Variants in DBH observed in about 807,000 individuals in gnomAD.
DBH encodes dopamine beta-hydroxylase.
A neutral mutation model predicts 64.0 loss-of-function variants in DBH; 49 were observed. That is an observed-to-expected ratio of 0.77 (90% CI 0.61 to 0.97). The LOEUF is 0.97. Ranked by LOEUF, DBH falls within the 50% of genes least tolerant of loss-of-function variation. The pLI, the probability that DBH is intolerant of heterozygous loss-of-function variation, is 0.00. For synonymous variants in DBH, 343 were observed against 347.1 expected (o/e 0.99, Z 0.13); for missense variants, 828 against 826.6 (o/e 1.00, Z -0.02).
intron 1 of DBH, among the ~76,000 whole-genome samples, chr9:133,639,530 C>T (rs1390842081): frequency 6.6e-6 from 1 of 152,224 alleles, no homozygotes; most frequent in Non-Finnish European, 1.5e-5. Flanking sequence ...GTGTCCCGCC[C>T]GCCAGGCCCG....
chr9:133,642,536 C>G, intron 3 of DBH, 72 bp downstream of exon 3: 2 of 1,528,558 alleles, frequency 1.3e-6, no homozygotes, highest in South Asian at 1.2e-5. Context: ...GTCCCTGACC[C>G]TGGAGAGCTG....
At chr9:133,645,595 TATC>T (rs1161934353) in intron 5 of DBH, among the ~76,000 whole-genome samples, 2 of 152,204 alleles carry the variant, frequency 1.3e-5, no homozygotes, top group African/African-American at 2.4e-5. Flanking sequence ...TTTTTATTAT[TATC>T]CTCTGATGTA....
intron 8 of DBH, among the ~76,000 whole-genome samples, chr9:133,652,693 A>C (rs1832265428): frequency 6.6e-6 from 1 of 152,058 alleles, no homozygotes; most frequent in Non-Finnish European, 1.5e-5. Flanking sequence ...CTGCACCCCC[A>C]CTGGCCTGGG....
chr9:133,656,998 G>A, intron 10 of DBH, 72 bp from the exon 11 acceptor site: 13 of 1,520,452 alleles, frequency 8.6e-6, no homozygotes, highest in African/African-American at 6.8e-5. Context: ...TTGCAGGGAG[G>A]TGTTGCTGGT....
chr9:133,640,086 T>G, intron 2 of DBH, 94 bp downstream of exon 2: 4 of 1,517,684 alleles, frequency 2.6e-6, no homozygotes, highest in Non-Finnish European at 3.6e-6. Context: ...CTGTCCCTGA[T>G]AAGTCTGGGG....
At position 133,659,196 on chromosome 9, in the gene DBH, G is replaced by A. The variant is rs916842066; in HGVS notation, c.*749G>A. 2.6e-5 allele frequency: 4 copies of A among 152,358 alleles called. No homozygotes were observed. The highest frequency in any genetic ancestry group is 2.1e-4 in the South Asian group (1 of 4,826). The allele number at this position is 152,358 out of a possible 1,614,324, so 9.4% of individuals were successfully genotyped here. On this transcript the variant is annotated 3_prime_UTR_variant, in exon 12 of 12. Transcript: ENST00000393056. ...GGGTGGAGTCAGGGCTGTGCTTTCC[G>A]CGTGGTTCTGCCACTTAGGGAGTGT...
intron 11 of DBH, 154 bp downstream of exon 11, chr9:133,657,383 C>T (rs1832338164): frequency 1.5e-6 from 1 of 678,250 alleles, no homozygotes; most frequent in African/African-American, 1.9e-5. Flanking sequence ...TAGGCCTAGA[C>T]AGCCAGCCAG....
chr9:133,648,573 G>C (rs1452447226), intron 6 of DBH, among the ~76,000 whole-genome samples: 1 of 152,258 alleles, frequency 6.6e-6, no homozygotes, highest in Non-Finnish European at 1.5e-5. Flanking sequence ...GTATTCCACA[G>C]GATGGGGTTT....
intron 10 of DBH, 53 bp from the exon 11 acceptor site, chr9:133,657,017 G>T (rs1490902046): frequency 6.2e-7 from 1 of 1,601,710 alleles, no homozygotes; most frequent in African/African-American, 1.3e-5. Context: ...GTGCCCACTG[G>T]GCTCCCTGCC....
chr9:133,642,901 G>A (rs186038682), intron 3 of DBH, among the ~76,000 whole-genome samples: 43 of 152,298 alleles, frequency 2.8e-4, no homozygotes, highest in African/African-American at 9.9e-4. Flanking sequence ...GAGGGGCGAG[G>A]TGATCCCTCC....
At chr9:133,644,579 T>C (rs566545759) in intron 5 of DBH, among the ~76,000 whole-genome samples, 5 of 152,342 alleles carry the variant, frequency 3.3e-5, no homozygotes, top group Admixed American at 1.3e-4. Flanking sequence ...TCCTCGTCCC[T>C]ATAATACGGG....
Position 133,658,428 on chromosome 9 carries a change from T to C in DBH, c.1835T>C (p.Ile612Thr), listed in dbSNP as rs372197370. 4.2e-5 allele frequency: 67 copies of C among 1,612,376 alleles called. No individual in the cohort carries two copies. The highest frequency in any genetic ancestry group is 2.1e-4 in the African/African-American group (16 of 74,972). ...CCTGCTGGCCCCACCGTTGTCAGCA[T>C]TGGTGGGGGCAAAGGCTGAGGGGGG... is the stretch of plus-strand genomic sequence containing the variant. Reference protein sequence around the residue: ...RSPAGPTVVSIGGGKG With the variant: ...RSPAGPTVVSTGGGKG Residue 612 changes from isoleucine (I) to threonine (T), a missense_variant, in exon 12 of 12, where the codon ATT becomes ACT. By Grantham distance (89) the Ile-to-Thr change is moderately conservative (BLOSUM62 -1). Transcript: ENST00000393056.
In DBH at chr9:133,659,229, G is replaced by C. The variant is rs2131298705; in HGVS notation, c.*782G>C. 6.6e-6 allele frequency: 1 copy of C among 152,412 alleles called. No homozygotes were observed. Among genetic ancestry groups the C allele is most frequent in the South Asian group, 2.1e-4 (1 of 4,824 alleles). 9.4% of individuals were successfully genotyped at this position (152,412 alleles called of 1,614,324 possible). Reference sequence around the variant, plus strand: ...CTGCCACTTAGGGAGTGTGCCTTGGGCGGGCCATTTCACATTCCTGACCCT... The same window carrying C: ...CTGCCACTTAGGGAGTGTGCCTTGGCCGGGCCATTTCACATTCCTGACCCT... On this transcript the variant is annotated 3_prime_UTR_variant, in exon 12 of 12. Transcript: ENST00000393056.
rs971505629 is a variant in DBH, at chr9:133,657,240, A to G, written c.1722+11A>G. On this transcript the variant is annotated intron_variant, in intron 11 of 11. Coordinates refer to ENST00000393056, the MANE Select transcript of DBH (RefSeq NM_000787.4). Reference sequence around the variant, plus strand: ...GCCGTCCGCTTCCAGGTGCGCTGCCATGGGCCCGGGTGGGGCATGCAGTCA... The same window carrying G: ...GCCGTCCGCTTCCAGGTGCGCTGCCGTGGGCCCGGGTGGGGCATGCAGTCA... The G allele has an allele frequency of 3.1e-6, 5 of 1,613,388 alleles. No homozygotes were observed. Among genetic ancestry groups the G allele is most frequent in the South Asian group, 2.2e-5 (2 of 91,092 alleles).
chr9:133,639,126 C>T (rs1234151838), intron 1 of DBH, among the ~76,000 whole-genome samples: 3 of 151,408 alleles, frequency 2.0e-5, no homozygotes, highest in Non-Finnish European at 4.4e-5. Flanking sequence ...GGTGTGGTGG[C>T]TCATGCCTGT....
chr9:133,645,314 A>G (rs1259868487), intron 5 of DBH, among the ~76,000 whole-genome samples: 2 of 152,010 alleles, frequency 1.3e-5, no homozygotes, highest in African/African-American at 4.8e-5. Context: ...ATGCACAGAG[A>G]AGGGTATAAG....
At chr9:133,639,293 A>C (rs900735508) in intron 1 of DBH, among the ~76,000 whole-genome samples, 4 of 151,832 alleles carry the variant, frequency 2.6e-5, no homozygotes, top group African/African-American at 4.8e-5. Flanking sequence ...GCTTGTTCTC[A>C]GGGTTGTGCC....
At chr9:133,650,809 A>G (rs1832240066) in intron 6 of DBH, among the ~76,000 whole-genome samples, 1 of 152,046 alleles carries the variant, frequency 6.6e-6, no homozygotes, top group Non-Finnish European at 1.5e-5. Flanking sequence ...CAGCCTCCCA[A>G]AGTGCTGGGA....
In DBH at chr9:133,642,246, C is replaced by A; in HGVS notation, c.526C>A (p.Pro176Thr). ...CTTGGTCTACGGGATCCTGGAGGAGCCGTTCCGGTCACTGGAGGCCATCAA... is the reference window on the plus strand; with the variant it reads ...CTTGGTCTACGGGATCCTGGAGGAGACGTTCCGGTCACTGGAGGCCATCAA... ...VHLVYGILEEPFRSLEAINGS... is the reference protein window; with the variant it reads ...VHLVYGILEETFRSLEAINGS... The change falls in exon 3 of 12, where the codon CCG becomes ACG. Residue 176 changes from proline (P) to threonine (T), a missense_variant. By Grantham distance (38) the Pro-to-Thr change is conservative. Transcript: ENST00000393056. 1.2e-6 allele frequency: 2 copies of A among 1,613,898 alleles called. No individual in the cohort carries two copies. The highest frequency in any genetic ancestry group is 8.5e-7 in the Non-Finnish European group (1 of 1,180,024).
Sources: gnomAD v4.1 joint callset for allele counts (sites outside exome capture counted in the v4.1 genomes callset) on GRCh38, gnomAD v4.1.1 for gene constraint, MANE v1.5 for transcripts, NCBI Gene and HGNC (gene_info 2026-07-23, HGNC 2026-07-21) for gene names.